The following BNIP2 variants were observed in gnomAD, a reference collection of about 807,000 sequenced individuals.
BNIP2 encodes the protein BCL2 interacting protein 2, also known as BCL2/adenovirus E1B 19 kDa protein-interacting protein 2.
A neutral mutation model predicts 43.4 loss-of-function variants in BNIP2; 36 were observed. The observed-to-expected ratio is 0.83, with a 90% CI of 0.64 to 1.10. BNIP2 has a LOEUF of 1.10. Ranked by LOEUF, BNIP2 falls within the 50% of genes least tolerant of loss-of-function variation. The pLI is 0.00. For synonymous variants in BNIP2, 146 were observed against 121.0 expected (o/e 1.21, Z -1.35); for missense variants, 417 against 374.1 (o/e 1.11, Z -0.95).
At chr15:59,673,531 C>T (rs1163793773) in intron 5 of BNIP2, among the ~76,000 whole-genome samples, 1 of 152,172 alleles carries the variant, frequency 6.6e-6, no homozygotes, top group African/African-American at 2.4e-5. Context: ...CTCAAGGGAT[C>T]TTCCCACCTC....
intron 1 of BNIP2, 181 bp downstream of exon 1, chr15:59,688,954 C>A: frequency 6.9e-7 from 1 of 1,446,546 alleles, no homozygotes; most frequent in Non-Finnish European, 9.0e-7. Context: ...GGGACCTAAG[C>A]AGGGCGGGGA....
intron 5 of BNIP2, among the ~76,000 whole-genome samples, chr15:59,673,149 C>T (rs1256535415): frequency 6.9e-6 from 1 of 145,976 alleles, no homozygotes; most frequent in East Asian, 2.0e-4. Context: ...GATGGAGTCT[C>T]GTTCTGTCGT....
At position 59,687,079 on chromosome 15, in the gene BNIP2, G is replaced by A. The variant is rs1894066879; in HGVS notation, c.-58+2056C>T. On this transcript the variant is annotated intron_variant, in intron 1 of 9. Transcript: ENST00000607373. ...AATTTAGAGGAAAAACTAGAATGGTGCTGAGTTCTCTCGAAATTGTGAAAA... is the reference window on the plus strand; with the variant it reads ...AATTTAGAGGAAAAACTAGAATGGTACTGAGTTCTCTCGAAATTGTGAAAA... 2.0e-5 allele frequency among the ~76,000 whole-genome samples: 3 copies of A among 152,122 alleles called. No individual in the cohort carries two copies. In the South Asian group the frequency reaches 6.2e-4, roughly 31 times the overall value.
At chr15:59,688,362 T>C (rs1396691850) in intron 1 of BNIP2, among the ~76,000 whole-genome samples, 5 of 152,134 alleles carry the variant, frequency 3.3e-5, no homozygotes, top group African/African-American at 1.2e-4. Context: ...AATCAGGTAT[T>C]AGGTGAAATA....
At chr15:59,678,969 T>A in intron 4 of BNIP2, 1 of 723,880 alleles carries the variant, frequency 1.4e-6, no homozygotes, top group Non-Finnish European at 1.9e-6. Flanking sequence ...ACCAAAAATA[T>A]AGCATATCAC....
chr15:59,686,572 G>C (rs1894027728), intron 1 of BNIP2, among the ~76,000 whole-genome samples: 1 of 152,062 alleles, frequency 6.6e-6, no homozygotes, highest in East Asian at 1.9e-4. Flanking sequence ...TAAACAAAAA[G>C]GTTTCATTCT....
At chr15:59,689,013 T>A (rs1015586432) in intron 1 of BNIP2, 122 bp downstream of exon 1, 1 of 1,445,846 alleles carries the variant, frequency 6.9e-7, no homozygotes, top group Non-Finnish European at 9.0e-7. Context: ...CTACCAAGGG[T>A]AACTCTCTGG....
rs1262711303 is a variant in BNIP2, at chr15:59,689,295, G to A, written c.-218C>T. 4 of 1,546,230 alleles carry A rather than the reference G, an allele frequency of 2.6e-6. No homozygotes were observed. Among genetic ancestry groups the A allele is most frequent in the South Asian group, 1.2e-5 (1 of 83,936 alleles). On this transcript the variant is annotated 5_prime_UTR_variant, in exon 1 of 10. Coordinates refer to ENST00000607373, the MANE Select transcript of BNIP2 (RefSeq NM_004330.4). ...CCCCGGCCGCAGCGGTACGGCGTCG[G>A]CGGCAGCAGCTGACCCGGACACAGT... is the stretch of plus-strand genomic sequence containing the variant.
At chr15:59,675,263 GA>G (rs1376915375) in intron 5 of BNIP2, among the ~76,000 whole-genome samples, 3 of 141,288 alleles carry the variant, frequency 2.1e-5, no homozygotes, top group Non-Finnish European at 3.1e-5. Flanking sequence ...AAAAAAAAAA[GA>G]AAAAAAAATT....
At chr15:59,681,244 T>C (rs1226870063) in intron 2 of BNIP2, among the ~76,000 whole-genome samples, 1 of 152,198 alleles carries the variant, frequency 6.6e-6, no homozygotes, top group East Asian at 1.9e-4. Flanking sequence ...GATTATGCAC[T>C]AGGATGTCTT....
In BNIP2 at chr15:59,661,794, A is replaced by G. The variant is rs1037091783; in HGVS notation, c.*2275T>C. On this transcript the variant is annotated 3_prime_UTR_variant, in exon 10 of 10. Transcript: ENST00000607373. The stretch of plus-strand genomic sequence containing the variant: ...GTTAACTTAGCTATAGATTAGAAAC[A>G]ACAGACTTAATAAATGCTCTTCCTC... 4 of 152,240 alleles carry G rather than the reference A, an allele frequency of 2.6e-5. No individual in the cohort carries two copies. Among genetic ancestry groups the G allele is most frequent in the African/African-American group, 9.6e-5 (4 of 41,462 alleles). 9.4% of individuals were successfully genotyped at this position (152,240 alleles called of 1,614,324 possible).
chr15:59,680,197 C>T (rs1402408356), intron 3 of BNIP2, 44 bp downstream of exon 3: 2 of 1,288,030 alleles, frequency 1.6e-6, no homozygotes, highest in Admixed American at 2.8e-5. Context: ...TAAAAAATAA[C>T]ACAAAGTCCA....
At position 59,671,221 on chromosome 15, in the gene BNIP2, C is replaced by T. The variant is rs758455120; in HGVS notation, c.669G>A (p.Leu223=). The T allele has an allele frequency of 6.2e-7, 1 of 1,602,402 alleles. No homozygotes were observed. ...GCTGATAACATTTCCTGAGCCATCC[C>T]AGACTGGGCATTTTTCTTCGAGTTG... ...GATTRRKMPS[L]GWLRKCYQQI... The change falls in exon 7 of 10, where the codon CTG becomes CTA. Residue 223 remains leucine, a synonymous_variant. Transcript: ENST00000607373.
At position 59,664,121 on chromosome 15, in the gene BNIP2, C is replaced by A; in HGVS notation, c.894-1G>T. ...TTTTCCATTAAGTTCTTGATCAACT[C>A]TGTTTAATGAAGAATATATAAAATA... On this transcript the variant is annotated splice_acceptor_variant, in intron 9 of 9. Transcript: ENST00000607373. LOFTEE classifies it high-confidence loss of function. 6.5e-7 allele frequency: 1 copy of A among 1,528,402 alleles called. No homozygotes were observed. The highest frequency in any genetic ancestry group is 1.2e-5 in the South Asian group (1 of 80,660). 94.7% of individuals were successfully genotyped at this position (1,528,402 alleles called of 1,614,324 possible). A position where few individuals can be genotyped will look rare whatever the true frequency, so the allele number is the denominator to read the frequency against.
At chr15:59,667,982 G>T in intron 9 of BNIP2, 2 of 565,642 alleles carry the variant, frequency 3.5e-6, no homozygotes, top group Non-Finnish European at 5.5e-6. Context: ...GGAAGTTGGG[G>T]TACATTTATA....
chr15:59,676,768 G>A (rs763384682), intron 5 of BNIP2: 206 of 1,479,860 alleles, frequency 1.4e-4, no homozygotes, highest in Non-Finnish European at 1.8e-4. Context: ...TGGAGGATGA[G>A]CGGAGCTTTT....
rs529646795 is a variant in BNIP2 at position 59,672,878 on chromosome 15, C to A, written c.473-139G>T. 7 of 510,172 alleles carry A rather than the reference C, an allele frequency of 1.4e-5. No homozygotes were observed. In the South Asian group the frequency reaches 1.6e-4, roughly 12 times the overall value. The allele number at this position is 510,172 out of a possible 1,614,324, so 31.6% of individuals were successfully genotyped here. On this transcript the variant is annotated intron_variant, in intron 5 of 9. Coordinates refer to ENST00000607373, the MANE Select transcript of BNIP2 (RefSeq NM_004330.4). ...TGTATTAAATGTATGTTTTGTAAAT[C>A]TTATATGGTCTTATATAGAATTTTA...
chr15:59,673,948 G>A (rs1893096707), intron 5 of BNIP2, among the ~76,000 whole-genome samples: 1 of 151,922 alleles, frequency 6.6e-6, no homozygotes, highest in Non-Finnish European at 1.5e-5. Flanking sequence ...CAATTAGCTG[G>A]GTGTGGTGGT....
chr15:59,674,699 T>C (rs1443964121), intron 5 of BNIP2, among the ~76,000 whole-genome samples: 1 of 152,144 alleles, frequency 6.6e-6, no homozygotes, highest in Admixed American at 6.5e-5. Context: ...CGTCCTGTGT[T>C]AGGAGGATTT....
Sources: gnomAD v4.1 joint callset for allele counts (sites outside exome capture counted in the v4.1 genomes callset) on GRCh38, gnomAD v4.1.1 for gene constraint, MANE v1.5 for transcripts, NCBI Gene and HGNC (gene_info 2026-07-23, HGNC 2026-07-21) for gene names.